The following ERICH1 variants were observed in gnomAD, a reference collection of about 807,000 sequenced individuals.
ERICH1 encodes the protein glutamate-rich protein 1.
ERICH1 carries 56 observed loss-of-function variants against 39.6 expected under a neutral mutation model. The ratio of observed to expected loss-of-function variants is 1.41; its 90% CI spans 1.14 to 1.77. The LOEUF (loss-of-function observed/expected upper bound fraction) is 1.77, where lower values mean the gene tolerates loss of function less well. ERICH1 is among the 40% of genes most tolerant of loss of function. ERICH1 has a pLI of 0.00. For missense variants in ERICH1, 826 were observed against 575.4 expected (o/e 1.44, Z -4.45); for synonymous variants, 313 against 223.6 (o/e 1.40, Z -3.57).
At chr8:728,261 C>A (rs1033378003) in intron 1 of ERICH1, among the ~76,000 whole-genome samples, 1 of 152,186 alleles carries the variant, frequency 6.6e-6, no homozygotes, top group Non-Finnish European at 1.5e-5. Context: ...ACACAGTAAG[C>A]GTTTCAGGAA....
At chr8:710,970 G>A (rs1004503029) in intron 2 of ERICH1, among the ~76,000 whole-genome samples, 1 of 152,216 alleles carries the variant, frequency 6.6e-6, no homozygotes, top group Admixed American at 6.5e-5. Context: ...TGGCTGCCCT[G>A]TTTTGCATTC....
intron 2 of ERICH1, among the ~76,000 whole-genome samples, chr8:700,952 T>C (rs1194207677): frequency 6.6e-6 from 1 of 152,200 alleles, no homozygotes; most frequent in Non-Finnish European, 1.5e-5. Flanking sequence ...GGCCCAAAAA[T>C]GACAGAGGAA....
intron 3 of ERICH1, among the ~76,000 whole-genome samples, chr8:617,728 T>A (rs1797013304): frequency 6.6e-6 from 1 of 151,242 alleles, no homozygotes; most frequent in Admixed American, 6.6e-5. Flanking sequence ...CTTACTGCCC[T>A]ATGAGTGCTC....
intron 2 of ERICH1, among the ~76,000 whole-genome samples, chr8:706,435 C>T (rs929552987): frequency 2.6e-5 from 4 of 152,036 alleles, no homozygotes; most frequent in Admixed American, 6.6e-5. Flanking sequence ...TTTTAAAAAA[C>T]GGTAAAACTT....
chr8:621,034 C>T (rs756535716), intron 3 of ERICH1, among the ~76,000 whole-genome samples: 3 of 152,098 alleles, frequency 2.0e-5, no homozygotes, highest in Non-Finnish European at 4.4e-5. Context: ...AAAATAAACT[C>T]GAATACCTTT....
Position 624,255 on chromosome 8 carries a change from G to C in ERICH1, c.977-8971C>G, listed in dbSNP as rs536884036. 1.8e-3 allele frequency among the ~76,000 whole-genome samples: 267 copies of C among 152,306 alleles called. 1 individual carries two copies. Among genetic ancestry groups the C allele is most frequent in the South Asian group, 3.1e-3 (15 of 4,816 alleles). The stretch of plus-strand genomic sequence containing the variant: ...AGATAGATGATGTAAAGATTGGAGA[G>C]GATGTGAAGATATCGGAACCACTGA... On this transcript the variant is annotated intron_variant, in intron 3 of 3. Coordinates refer to the ERICH1 transcript ENST00000522706.
At chr8:683,014 T>C (rs896274945) in intron 3 of ERICH1, among the ~76,000 whole-genome samples, 3 of 152,208 alleles carry the variant, frequency 2.0e-5, no homozygotes, top group African/African-American at 7.2e-5. Flanking sequence ...AAGCTTCCAG[T>C]TGCTGAGTGT....
In ERICH1 at chr8:631,820, G is replaced by A. The variant is rs531455969; in HGVS notation, c.977-16536C>T. 5.3e-5 allele frequency among the ~76,000 whole-genome samples: 8 copies of A among 152,162 alleles called. No individual in the cohort carries two copies. In the East Asian group the frequency reaches 1.2e-3, roughly 22 times the overall value. On this transcript the variant is annotated intron_variant, in intron 3 of 3. Coordinates refer to the ERICH1 transcript ENST00000522706. ...CTAATTTTCTAGGATGACCTGGTGG[G>A]GTGATGTGAAGGTTTGCAGGTGCCG...
intron 3 of ERICH1, among the ~76,000 whole-genome samples, chr8:618,071 C>T (rs368418893): frequency 2.8e-4 from 42 of 150,828 alleles, no homozygotes; most frequent in African/African-American, 8.8e-4. Flanking sequence ...CCTCACTGTC[C>T]TCTGAGTGAT....
rs185855104 is a variant in ERICH1, at chr8:730,671, A to T, written c.22+469T>A. ...TGCGCCCCACACCTTAGGTCCACTG[A>T]AGGTAAACACCATGACCTCCGTCTC... On this transcript the variant is annotated intron_variant, in intron 1 of 5. Coordinates refer to ENST00000262109, the MANE Select transcript of ERICH1 (RefSeq NM_207332.3). Among the ~76,000 whole-genome samples the T allele has an allele frequency of 2.0e-3, 297 of 152,196 alleles. 1 individual carries two copies. The highest frequency in any genetic ancestry group is 6.7e-3 in the African/African-American group (277 of 41,458).
intron 2 of ERICH1, among the ~76,000 whole-genome samples, chr8:712,498 C>G (rs1027463687): frequency 2.6e-5 from 4 of 152,144 alleles, no homozygotes; most frequent in African/African-American, 7.2e-5. Context: ...GACATGATCT[C>G]GGCTCACAGC....
chr8:614,789 C>T (rs553077281), exon 4 of ERICH1: 24 of 162,068 alleles, frequency 1.5e-4, no homozygotes, highest in East Asian at 1.8e-4. Context: ...TGTTGATGCC[C>T]GGCTCTGTGC....
At chr8:692,698 C>G in intron 2 of ERICH1, 86 bp from the exon 3 acceptor site, 1 of 1,381,834 alleles carries the variant, frequency 7.2e-7, no homozygotes. Context: ...GGCATTGTTT[C>G]TCTAAATTCA....
chr8:637,977 C>T (rs564079701), intron 3 of ERICH1, among the ~76,000 whole-genome samples: 2 of 152,370 alleles, frequency 1.3e-5, no homozygotes, highest in African/African-American at 4.8e-5. Flanking sequence ...TAACAAGCCA[C>T]TAAGTTCTGT....
chr8:677,262 A>C (rs911424757), intron 3 of ERICH1, among the ~76,000 whole-genome samples: 4 of 152,200 alleles, frequency 2.6e-5, no homozygotes, highest in African/African-American at 7.2e-5. Flanking sequence ...TCTTCATTGG[A>C]TGTAGACACC....
intron 3 of ERICH1, among the ~76,000 whole-genome samples, chr8:675,040 G>A (rs953977141): frequency 6.6e-6 from 1 of 152,256 alleles, no homozygotes; most frequent in African/African-American, 2.4e-5. Context: ...CTTGAAACGG[G>A]CGGCTGGGGA....
At chr8:678,075 A>G (rs112128294) in intron 3 of ERICH1, among the ~76,000 whole-genome samples, 3 of 152,254 alleles carry the variant, frequency 2.0e-5, no homozygotes, top group African/African-American at 4.8e-5. Context: ...AAAAGGCCAT[A>G]AAATGTTAAG....
chr8:636,357 T>C (rs1798437746), intron 3 of ERICH1, among the ~76,000 whole-genome samples: 2 of 152,234 alleles, frequency 1.3e-5, no homozygotes, highest in Non-Finnish European at 2.9e-5. Flanking sequence ...AAATCATTGA[T>C]GGTTTCTGCT....
rs1563198319 is a variant in ERICH1 at position 659,038 on chromosome 8, CGGTGTGCACTG to C, written c.976+9549_976+9559del. On this transcript the variant is annotated intron_variant, in intron 3 of 3. Transcript: ENST00000522706. ...GGGAGGGGGTGACCATCGAGATCTCCGGTGTGCACTGAGCATCCTGGGGAGGGGGTGACGAT... is the reference window on the plus strand; with the variant it reads ...GGGAGGGGGTGACCATCGAGATCTCCAGCATCCTGGGGAGGGGGTGACGAT... Among the ~76,000 whole-genome samples, 206 of 110,112 alleles carry C rather than the reference CGGTGTGCACTG, an allele frequency of 1.9e-3. 7 individuals are homozygous for C. The highest frequency in any genetic ancestry group is 9.0e-3 in the Middle Eastern group (2 of 222). The allele number at this position is 110,112 out of a possible 152,430, so 72.2% of individuals were successfully genotyped here.
Sources: allele counts gnomAD v4.1 joint callset (sites outside exome capture counted in the v4.1 genomes callset), GRCh38; gene constraint gnomAD v4.1.1; transcripts MANE v1.5; gene names NCBI Gene and HGNC (gene_info 2026-07-23, HGNC 2026-07-21).